Variants in SPEG observed in about 807,000 individuals in gnomAD.
The protein encoded by SPEG is striated muscle enriched protein kinase.
SPEG carries 114 observed loss-of-function variants against 300.4 expected under a neutral mutation model. That is an observed-to-expected ratio of 0.38 (90% CI 0.33 to 0.44). The LOEUF is 0.44. SPEG is among the 20% of genes least tolerant of loss of function. The pLI is 1.00. For missense variants in SPEG, 4,201 were observed against 4,586.2 expected (o/e 0.92, Z 2.43); for synonymous variants, 1,964 against 2,018.9 (o/e 0.97, Z 0.73).
rs1045527767 is a variant in SPEG at position 219,493,154 on chromosome 2, G to A, written c.*368G>A. ...TCTCAGGGAGAACCAAGGAAGGTGG[G>A]CATGGCTGGAGAGGAGGAAAAGGAA... On this transcript the variant is annotated 3_prime_UTR_variant, in exon 41 of 41. Coordinates refer to ENST00000312358, the MANE Select transcript of SPEG (RefSeq NM_005876.5). The A allele has an allele frequency of 2.2e-6, 1 of 456,780 alleles. No individual in the cohort carries two copies. The highest frequency in any genetic ancestry group is 2.0e-5 in the African/African-American group (1 of 50,618). 28.3% of individuals were successfully genotyped at this position (456,780 alleles called of 1,614,324 possible). A position where few individuals can be genotyped will look rare whatever the true frequency, so the allele number is the denominator to read the frequency against.
intron 30 of SPEG, 114 bp from the exon 31 acceptor site, chr2:219,485,232 G>A (rs572354080): frequency 1.3e-6 from 2 of 1,495,396 alleles, no homozygotes; most frequent in Non-Finnish European, 1.8e-6. Flanking sequence ...CAGGAATGGC[G>A]GCAGGGCTGG....
In SPEG at chr2:219,484,745, G is replaced by T; in HGVS notation, c.7282G>T (p.Ala2428Ser). The T allele has an allele frequency of 2.0e-6, 3 of 1,469,110 alleles. No individual in the cohort carries two copies. The highest frequency in any genetic ancestry group is 2.7e-6 in the Non-Finnish European group (3 of 1,122,166). The allele number at this position is 1,469,110 out of a possible 1,614,324, so 91.0% of individuals were successfully genotyped here. A position where few individuals can be genotyped will look rare whatever the true frequency, so the allele number is the denominator to read the frequency against. The stretch of plus-strand genomic sequence containing the variant: ...GACCCCTCCCGCGCAGCGCCACCCG[G>T]CCTGGGAGGCCCGCGGCGGGGACGG... The part of the protein sequence containing the change: ...RRTPPAQRHP[A>S]WEARGGDGES... Residue 2428 changes from alanine (A) to serine (S), a missense_variant, in exon 30 of 41, where the codon GCC becomes TCC. Ala to Ser is a moderately conservative substitution (Grantham distance 99, BLOSUM62 1). This residue lies in a region of SPEG where 1,578 missense variants were observed against 1,506.0 expected (regional missense o/e 1.05). Coordinates refer to ENST00000312358, the MANE Select transcript of SPEG (RefSeq NM_005876.5).
At chr2:219,446,053 T>G (rs1433123948) in intron 3 of SPEG, among the ~76,000 whole-genome samples, 1 of 126,004 alleles carries the variant, frequency 7.9e-6, no homozygotes, top group Non-Finnish European at 1.7e-5. Flanking sequence ...GTGATGGGTA[T>G]GGGTGTGGGG....
At chr2:219,453,029 G>A (rs1261854734) in intron 6 of SPEG, among the ~76,000 whole-genome samples, 5 of 152,048 alleles carry the variant, frequency 3.3e-5, no homozygotes, top group African/African-American at 9.7e-5. Context: ...CTCCTACCCC[G>A]CTGAATCATG....
At chr2:219,491,690 G>A in intron 38 of SPEG, 104 bp from the exon 39 acceptor site, 1 of 865,438 alleles carries the variant, frequency 1.2e-6, no homozygotes, top group Non-Finnish European at 1.9e-6. Flanking sequence ...CCATGGTCTG[G>A]TGACCAGGAC....
rs1448766594 is a variant in SPEG, at chr2:219,444,300, G to T, written c.389-353G>T. On this transcript the variant is annotated intron_variant, in intron 1 of 40. Coordinates refer to ENST00000312358, the MANE Select transcript of SPEG (RefSeq NM_005876.5). The surrounding 1 kb of genome is among the most constrained non-coding windows in gnomAD (Gnocchi z 7.8). ...GGAACCTAGGACCTGATGATTTTGGGGCTGCACAGGGGCTTAAGCTTTCAC... is the reference window on the plus strand; with the variant it reads ...GGAACCTAGGACCTGATGATTTTGGTGCTGCACAGGGGCTTAAGCTTTCAC... 6.6e-6 allele frequency among the ~76,000 whole-genome samples: 1 copy of T among 152,166 alleles called. No individual in the cohort carries two copies. Among genetic ancestry groups the T allele is most frequent in the Non-Finnish European group, 1.5e-5 (1 of 68,038 alleles).
intron 36 of SPEG, among the ~76,000 whole-genome samples, 165 bp downstream of exon 36, chr2:219,490,104 G>T (rs1159184429): frequency 1.3e-5 from 2 of 152,234 alleles, no homozygotes; most frequent in Admixed American, 6.5e-5. Flanking sequence ...ACTGCACTGC[G>T]TGCTTTAGCC....
chr2:219,452,701 C>A (rs141734636), intron 6 of SPEG, among the ~76,000 whole-genome samples: 1 of 152,116 alleles, frequency 6.6e-6, no homozygotes, highest in Non-Finnish European at 1.5e-5. Flanking sequence ...CGCTGAGAGA[C>A]GTTGGTGCCC....
At chr2:219,441,029 G>T in intron 1 of SPEG, among the ~76,000 whole-genome samples, 1 of 152,320 alleles carries the variant, frequency 6.6e-6, no homozygotes. Flanking sequence ...AGTTAAATGG[G>T]TATAGGATTA....
chr2:219,442,199 C>A, intron 1 of SPEG: 1 of 645,352 alleles, frequency 1.5e-6, no homozygotes, highest in Non-Finnish European at 2.1e-6. Flanking sequence ...TCGGCGCCTG[C>A]CCCACCCGAG....
At chr2:219,454,358 CA>C (rs2125331481) in intron 6 of SPEG, among the ~76,000 whole-genome samples, 2 of 152,244 alleles carry the variant, frequency 1.3e-5, no homozygotes, top group South Asian at 4.1e-4. Flanking sequence ...GCCATTCTCC[CA>C]AAGCGGATGT....
Position 219,476,888 on chromosome 2 carries a change from C to A in SPEG, c.4466C>A (p.Ser1489Tyr). ...LELAEAPRFE[S>Y]IMEDVEVGAG... ...GTTTCAGAGGCCCCTCGGTTTGAGT[C>A]CATCATGGAGGACGTGGAGGTGGGG... is the stretch of plus-strand genomic sequence containing the variant. The change falls in exon 19 of 41, where the codon TCC becomes TAC. Residue 1489 changes from serine to tyrosine, a missense_variant. Ser to Tyr is a moderately radical substitution (Grantham distance 144). Coordinates refer to ENST00000312358, the MANE Select transcript of SPEG (RefSeq NM_005876.5). 1 of 1,613,686 alleles carries A rather than the reference C, an allele frequency of 6.2e-7. No homozygotes were observed.
chr2:219,448,053 G>GCCCA lies in SPEG; in HGVS notation c.896_899dup (p.Gln300HisfsTer94). Reference sequence around the variant, plus strand: ...GGCCAGCGAAGCCCCACGCCGCCCTGCCCAGCCGCCTCCTTCCAAATCCGC... The same window carrying GCCCA: ...GGCCAGCGAAGCCCCACGCCGCCCTGCCCACCCAGCCGCCTCCTTCCAAATCCGC... On this transcript the variant is annotated frameshift_variant, in exon 4 of 41. Transcript: ENST00000312358. LOFTEE classifies it high-confidence loss of function. The GCCCA allele has an allele frequency of 6.2e-7, 1 of 1,611,256 alleles. No homozygotes were observed. The highest frequency in any genetic ancestry group is 8.5e-7 in the Non-Finnish European group (1 of 1,179,532).
In SPEG at chr2:219,481,388, G is replaced by A. The variant is rs1318671727; in HGVS notation, c.5454G>A (p.Glu1818=). 6.2e-7 allele frequency: 1 copy of A among 1,614,050 alleles called. No homozygotes were observed. Among genetic ancestry groups the A allele is most frequent in the Non-Finnish European group, 8.5e-7 (1 of 1,180,038 alleles). ...GAAACTACAACGTGGCCTTCGAGGA[G>A]ACCACATTCCTGAGCCTGAGCAGGG... The part of the protein sequence containing the change: ...NIRNYNVAFE[E]TTFLSLSREA... The change falls in exon 27 of 41, where the codon GAG becomes GAA. Residue 1818 remains glutamate, a synonymous_variant. Transcript: ENST00000312358. This position sits in a 1 kb window ranked among gnomAD's most constrained non-coding sequence, Gnocchi z 5.4.
chr2:219,472,287 T>C lies in SPEG; in HGVS notation c.3896T>C (p.Val1299Ala). Reference sequence around the variant, plus strand: ...GTGGTGGCTGTGACGGGGAGGATGGTCACACTCACATGGAACCCCCCCAGG... The same window carrying C: ...GTGGTGGCTGTGACGGGGAGGATGGCCACACTCACATGGAACCCCCCCAGG... ...PQVVAVTGRM[V>A]TLTWNPPRSL... Residue 1299 changes from valine (V) to alanine (A), a missense_variant, in exon 15 of 41, where the codon GTC becomes GCC. Transcript: ENST00000312358. 1 of 1,613,746 alleles carries C rather than the reference T, an allele frequency of 6.2e-7. No individual in the cohort carries two copies. The highest frequency in any genetic ancestry group is 8.5e-7 in the Non-Finnish European group (1 of 1,179,978).
In SPEG at chr2:219,477,338, C is replaced by G. The variant is rs1692443313; in HGVS notation, c.4622C>G (p.Ser1541Cys). 6.2e-7 allele frequency: 1 copy of G among 1,613,528 alleles called. No individual in the cohort carries two copies. Among genetic ancestry groups the G allele is most frequent in the Non-Finnish European group, 8.5e-7 (1 of 1,179,878 alleles). Reference sequence around the variant, plus strand: ...TTCGTGTACGAGGAGAATGAGTGCTCCCTGGTGGTGCTCAGCACGGGGGCC... The same window carrying G: ...TTCGTGTACGAGGAGAATGAGTGCTGCCTGGTGGTGCTCAGCACGGGGGCC... ...VSFVYEENEC[S>C]LVVLSTGAQD... The change falls in exon 20 of 41, where the codon TCC becomes TGC. Residue 1541 changes from serine (S) to cysteine (C), a missense_variant. Transcript: ENST00000312358. This position sits in a 1 kb window ranked among gnomAD's most constrained non-coding sequence, Gnocchi z 6.4.
chr2:219,481,934 T>C lies in SPEG; in HGVS notation c.5565+254T>C, dbSNP rs949539913. 3 of 585,438 alleles carry C rather than the reference T, an allele frequency of 5.1e-6. No homozygotes were observed. The African/African-American group carries it at 5.6e-5, about 11-fold the overall frequency. 36.3% of individuals were successfully genotyped at this position (585,438 alleles called of 1,614,324 possible). On this transcript the variant is annotated intron_variant, in intron 28 of 40. Transcript: ENST00000312358. The surrounding 1 kb of genome is among the most constrained non-coding windows in gnomAD (Gnocchi z 5.4). ...ACTCCAGGGCATACGTCTGGACCTC[T>C]CCATCCTGGGCGTCCTCAGTGGAGT...
rs761174365 is a variant in SPEG, at chr2:219,492,876, C to T, written c.*90C>T. ...CAGGGCCCACGCTGAGCCAGGCGGG[C>T]CTGGGGCTTCGGTTACCACCAGCAG... is the stretch of plus-strand genomic sequence containing the variant. On this transcript the variant is annotated 3_prime_UTR_variant, in exon 41 of 41. Coordinates refer to ENST00000312358, the MANE Select transcript of SPEG (RefSeq NM_005876.5). The T allele has an allele frequency of 5.5e-5, 73 of 1,337,120 alleles. 1 individual carries two copies. The highest frequency in any genetic ancestry group is 6.6e-5 in the Non-Finnish European group (64 of 967,610). The allele number at this position is 1,337,120 out of a possible 1,614,324, so 82.8% of individuals were successfully genotyped here.
At chr2:219,460,516 C>A (rs1363130469) in intron 6 of SPEG, 6 of 985,308 alleles carry the variant, frequency 6.1e-6, no homozygotes, top group Non-Finnish European at 7.2e-6. Flanking sequence ...CTGTCTTGCT[C>A]GGGGACGGAG....
Sources: allele counts gnomAD v4.1 joint callset (sites outside exome capture counted in the v4.1 genomes callset), GRCh38; gene constraint gnomAD v4.1.1; regional missense constraint gnomAD v4.1.1; non-coding constraint Gnocchi (gnomAD v3.1); transcripts MANE v1.5; gene names NCBI Gene and HGNC (gene_info 2026-07-23, HGNC 2026-07-21).